Variants in AGMO observed in about 807,000 individuals in gnomAD.
AGMO encodes the protein glyceryl-ether monooxygenase.
A neutral mutation model predicts 60.2 loss-of-function variants in AGMO; 75 were observed. The ratio of observed to expected loss-of-function variants is 1.25; its 90% confidence interval spans 1.03 to 1.51. The LOEUF (loss-of-function observed/expected upper bound fraction) is 1.51, where lower values mean the gene tolerates loss of function less well. Among genes scored for constraint, AGMO ranks in the 40% most tolerant of loss-of-function variants. AGMO has a pLI of 0.00. For missense variants in AGMO, 763 were observed against 525.5 expected (o/e 1.45, Z -4.42); for synonymous variants, 261 against 177.1 (o/e 1.47, Z -3.76).
intron 12 of AGMO, among the ~76,000 whole-genome samples, chr7:15,295,204 G>C (rs2128523630): frequency 6.6e-6 from 1 of 151,960 alleles, no homozygotes; most frequent in African/African-American, 2.4e-5. Flanking sequence ...AGTATTTGTT[G>C]TATACAGGCC....
the AGMO span, among the ~76,000 whole-genome samples, chr7:15,164,908 T>C: frequency 8.8e-4 from 133 of 150,684 alleles, no homozygotes; most frequent in African/African-American, 2.9e-3. Flanking sequence ...AGAAAAAAAA[T>C]TGTTATATCA....
At chr7:15,277,469 G>C (rs2128517130) in intron 12 of AGMO, among the ~76,000 whole-genome samples, 1 of 152,128 alleles carries the variant, frequency 6.6e-6, no homozygotes, top group South Asian at 2.1e-4. Flanking sequence ...TTCTTATGCT[G>C]ATCCCTTCTG....
At chr7:15,534,970 T>C (rs1160179103) in intron 3 of AGMO, among the ~76,000 whole-genome samples, 1 of 151,984 alleles carries the variant, frequency 6.6e-6, no homozygotes, top group Non-Finnish European at 1.5e-5. Flanking sequence ...TTTTTACTTA[T>C]GTATCAGACT....
intron 12 of AGMO, among the ~76,000 whole-genome samples, chr7:15,292,274 T>C (rs1380527315): frequency 1.3e-5 from 2 of 152,120 alleles, no homozygotes; most frequent in Admixed American, 6.5e-5. Flanking sequence ...TTAGATCAAA[T>C]ACAGCAGCAT....
chr7:15,416,626 G>T (rs4472405), intron 5 of AGMO, among the ~76,000 whole-genome samples: 1 of 151,948 alleles, frequency 6.6e-6, no homozygotes, highest in Non-Finnish European at 1.5e-5. Context: ...TCAGGAATAT[G>T]CAGGGCTCTT....
intron 3 of AGMO, among the ~76,000 whole-genome samples, chr7:15,507,549 C>G (rs904491203): frequency 6.6e-6 from 1 of 151,806 alleles, no homozygotes; most frequent in Admixed American, 6.6e-5. Context: ...AAATAAATTA[C>G]AAGGAAATGG....
At chr7:15,286,023 TG>T (rs1784088062) in intron 12 of AGMO, among the ~76,000 whole-genome samples, 1 of 152,072 alleles carries the variant, frequency 6.6e-6, no homozygotes, top group African/African-American at 2.4e-5. Flanking sequence ...GATAGCCATA[TG>T]TAGAAGAATA....
In AGMO at chr7:15,529,645, T is replaced by TAC. The variant is rs1280366504; in HGVS notation, c.409+15125_409+15126dup. On this transcript the variant is annotated intron_variant, in intron 3 of 12. Transcript: ENST00000342526. The stretch of plus-strand genomic sequence containing the variant: ...AATATATATATAGAATATATATATA[T>TAC]ACTATATATTCTATATATATTCTAT... 4.1e-3 allele frequency among the ~76,000 whole-genome samples: 33 copies of TAC among 8,114 alleles called. 11 individuals are homozygous for TAC. In the East Asian group the frequency reaches 0.62, roughly 151 times the overall value. 5.3% of individuals were successfully genotyped at this position (8,114 alleles called of 152,430 possible).
chr7:15,248,086 G>A (rs1232572062), intron 12 of AGMO, among the ~76,000 whole-genome samples: 1 of 148,068 alleles, frequency 6.8e-6, no homozygotes, highest in Non-Finnish European at 1.5e-5. Context: ...TGTAGCTGAT[G>A]TAAGATGTAG....
At chr7:15,327,634 T>A (rs950344936) in intron 12 of AGMO, among the ~76,000 whole-genome samples, 2 of 151,518 alleles carry the variant, frequency 1.3e-5, no homozygotes, top group Non-Finnish European at 2.9e-5. Flanking sequence ...TAAACGACAA[T>A]GGGAGACTAT....
chr7:15,352,478 C>T (rs1049861435), intron 12 of AGMO, among the ~76,000 whole-genome samples: 6 of 146,710 alleles, frequency 4.1e-5, no homozygotes, highest in Non-Finnish European at 8.9e-5. Flanking sequence ...GATCAGGGTG[C>T]AAAGGAAGAA....
the AGMO span, among the ~76,000 whole-genome samples, chr7:15,139,621 AT>A: frequency 0.12 from 17,466 of 150,938 alleles, 2,180 homozygotes; most frequent in African/African-American, 0.31. Flanking sequence ...GACATTATAG[AT>A]TTTTTTTTCT....
chr7:15,371,211 T>C (rs1270918078), intron 10 of AGMO, among the ~76,000 whole-genome samples: 1 of 152,124 alleles, frequency 6.6e-6, no homozygotes, highest in Non-Finnish European at 1.5e-5. Context: ...ATTAAATATT[T>C]AATAACAATG....
chr7:15,260,634 G>A (rs1461406557), intron 12 of AGMO, among the ~76,000 whole-genome samples: 10 of 152,014 alleles, frequency 6.6e-5, no homozygotes, highest in South Asian at 6.2e-4. Context: ...ACAAGGTAAC[G>A]GTGGACTTAA....
chr7:15,268,745 G>A (rs1157142075), intron 12 of AGMO, among the ~76,000 whole-genome samples: 1 of 151,916 alleles, frequency 6.6e-6, no homozygotes, highest in Non-Finnish European at 1.5e-5. Flanking sequence ...CAAAGGTGGG[G>A]GAATATAAGA....
intron 12 of AGMO, among the ~76,000 whole-genome samples, chr7:15,260,235 C>CACCA (rs1192689207): frequency 1.4e-5 from 2 of 148,022 alleles, no homozygotes; most frequent in Non-Finnish European, 3.0e-5. Context: ...AAAAAGAATT[C>CACCA]ACCAACCAAG....
chr7:15,533,116 G>A (rs1181812579), intron 3 of AGMO, among the ~76,000 whole-genome samples: 1 of 152,094 alleles, frequency 6.6e-6, no homozygotes, highest in Non-Finnish European at 1.5e-5. Context: ...TTCTGTTTCA[G>A]TTTTTGGTTT....
chr7:15,185,468 C>T, the AGMO span, among the ~76,000 whole-genome samples: 4 of 152,154 alleles, frequency 2.6e-5, no homozygotes, highest in Admixed American at 2.0e-4. Flanking sequence ...TCTAAAATCC[C>T]TGAACGTGCT....
At chr7:15,451,526 C>A (rs1039021923) in intron 3 of AGMO, among the ~76,000 whole-genome samples, 1 of 152,116 alleles carries the variant, frequency 6.6e-6, no homozygotes, top group Non-Finnish European at 1.5e-5. Context: ...GGCTTGCTCA[C>A]TGTATTCTTA....
Sources: allele counts gnomAD v4.1 joint callset (sites outside exome capture counted in the v4.1 genomes callset), GRCh38; gene constraint gnomAD v4.1.1; transcripts MANE v1.5; gene names NCBI Gene and HGNC (gene_info 2026-07-23, HGNC 2026-07-21).